Variants in CATSPERE observed in about 807,000 individuals in gnomAD.
The protein encoded by CATSPERE is catsper channel auxiliary subunit epsilon, also known as cation channel sperm-associated auxiliary subunit epsilon.
Under a neutral mutation model 114.1 loss-of-function variants are expected in CATSPERE, and 93 were observed. The observed-to-expected ratio is 0.81, with a 90% confidence interval of 0.69 to 0.97. The LOEUF (loss-of-function observed/expected upper bound fraction) is 0.97, where lower values mean the gene tolerates loss of function less well. CATSPERE is among the 50% of genes least tolerant of loss of function. The pLI is 0.00. For missense variants in CATSPERE, 1,058 were observed against 1,131.6 expected (o/e 0.93, Z 0.93); for synonymous variants, 341 against 384.1 (o/e 0.89, Z 1.31).
At position 244,488,291 on chromosome 1, in the gene CATSPERE, T is replaced by C. The variant is rs1215764703; in HGVS notation, c.327-2156T>C. The stretch of plus-strand genomic sequence containing the variant: ...TTAATTTCTATACCACATTTAATTC[T>C]GAGAATCACTTTCTTTTTGAAACTC... On this transcript the variant is annotated intron_variant, in intron 5 of 21. Transcript: ENST00000366534. 2.6e-5 allele frequency among the ~76,000 whole-genome samples: 4 copies of C among 152,248 alleles called. No individual in the cohort carries two copies. The East Asian group carries it at 7.7e-4, about 29-fold the overall frequency.
At chr1:244,571,539 T>A (rs1237594062) in intron 10 of CATSPERE, among the ~76,000 whole-genome samples, 7 of 152,214 alleles carry the variant, frequency 4.6e-5, no homozygotes, top group Non-Finnish European at 7.4e-5. Context: ...GAAAGCTGAT[T>A]ATCTGCTATG....
chr1:244,632,994 T>C (rs1674164529), intron 20 of CATSPERE, among the ~76,000 whole-genome samples: 2 of 152,172 alleles, frequency 1.3e-5, no homozygotes, highest in Admixed American at 6.5e-5. Flanking sequence ...AGATTGGCCA[T>C]ATTAATAGCA....
chr1:244,451,402 CCA>C (rs1665590994), upstream of CATSPERE, among the ~76,000 whole-genome samples: 4 of 152,310 alleles, frequency 2.6e-5, no homozygotes, highest in South Asian at 8.3e-4. This position sits in a 1 kb window ranked among gnomAD's most constrained non-coding sequence, Gnocchi z 6.6. Context: ...CCCCGCCAGC[CCA>C]CCTCTTCCTC....
At chr1:244,464,026 G>A in intron 2 of CATSPERE, 70 bp downstream of exon 2, 2 of 1,118,062 alleles carry the variant, frequency 1.8e-6, no homozygotes, top group Non-Finnish European at 2.7e-6. Flanking sequence ...AGAGAGCAGA[G>A]TTAATCATAT....
intron 8 of CATSPERE, among the ~76,000 whole-genome samples, chr1:244,521,343 G>T (rs576192509): frequency 6.6e-6 from 1 of 152,266 alleles, no homozygotes; most frequent in Non-Finnish European, 1.5e-5. Context: ...AATAGAGTGA[G>T]ACCTTGTCTC....
intron 6 of CATSPERE, among the ~76,000 whole-genome samples, chr1:244,495,726 T>A (rs891937476): frequency 5.3e-5 from 8 of 151,768 alleles, no homozygotes; most frequent in African/African-American, 1.5e-4. Context: ...TCTTAAAAAA[T>A]AATAATAATA....
chr1:244,617,498 C>T (rs1052924096), intron 19 of CATSPERE, 31 bp from the exon 20 acceptor site: 1 of 1,452,622 alleles, frequency 6.9e-7, no homozygotes, highest in African/African-American at 1.5e-5. Context: ...ATAAAATGAC[C>T]TTAAAATTTT....
At chr1:244,579,067 T>A (rs1486930365) in intron 11 of CATSPERE, among the ~76,000 whole-genome samples, 3 of 151,872 alleles carry the variant, frequency 2.0e-5, no homozygotes, top group Non-Finnish European at 4.4e-5. Context: ...ATAAAAAAAA[T>A]ATGCAAGAAC....
At chr1:244,600,371 A>AAGAG (rs74162774) in intron 17 of CATSPERE, among the ~76,000 whole-genome samples, 8 of 144,994 alleles carry the variant, frequency 5.5e-5, no homozygotes, top group East Asian at 2.0e-4. Context: ...AAAAAAAAAA[A>AAGAG]AGAGAGAGAG....
At chr1:244,517,039 G>A (rs992289723) in intron 7 of CATSPERE, among the ~76,000 whole-genome samples, 2 of 152,020 alleles carry the variant, frequency 1.3e-5, no homozygotes, top group Non-Finnish European at 2.9e-5. Context: ...AAATTATGCA[G>A]ACATTGAAAA....
chr1:244,538,762 C>G lies in CATSPERE; in HGVS notation c.537-13560C>G, dbSNP rs930196704. On this transcript the variant is annotated intron_variant, in intron 8 of 21. Coordinates refer to ENST00000366534, the MANE Select transcript of CATSPERE (RefSeq NM_001130957.2). ...TCAACTTTCCCAGCATTCTGGGACCCTTCACAGGAGGCTTAGTCGTGTCTC... is the reference window on the plus strand; with the variant it reads ...TCAACTTTCCCAGCATTCTGGGACCGTTCACAGGAGGCTTAGTCGTGTCTC... Among the ~76,000 whole-genome samples, 27 of 152,304 alleles carry G rather than the reference C, an allele frequency of 1.8e-4. 1 individual carries two copies. Among genetic ancestry groups the G allele is most frequent in the African/African-American group, 6.5e-4 (27 of 41,566 alleles).
At chr1:244,472,538 C>T (rs1332192043) in intron 2 of CATSPERE, among the ~76,000 whole-genome samples, 2 of 152,056 alleles carry the variant, frequency 1.3e-5, no homozygotes, top group Admixed American at 1.3e-4. Context: ...ATAGAGAGAT[C>T]CCATAAAACC....
At chr1:244,556,599 G>C (rs60946777) in intron 9 of CATSPERE, among the ~76,000 whole-genome samples, 20,123 of 152,106 alleles carry the variant, frequency 0.13, 2,394 homozygotes, top group African/African-American at 0.32. Context: ...AAATTTGGGA[G>C]GGGAAACAGA....
intron 5 of CATSPERE, among the ~76,000 whole-genome samples, chr1:244,489,820 A>G (rs919471239): frequency 1.3e-5 from 2 of 152,134 alleles, no homozygotes; most frequent in Non-Finnish European, 2.9e-5. Flanking sequence ...ATTCTCAAGC[A>G]AACACGTAGT....
At chr1:244,584,540 A>ATATCATATTATATTATAT (rs548449574) in intron 13 of CATSPERE, among the ~76,000 whole-genome samples, 1 of 118,858 alleles carries the variant, frequency 8.4e-6, no homozygotes, top group African/African-American at 3.1e-5. Context: ...TTACTATATT[A>ATATCATATTATATTATAT]TATATTATAT....
intron 5 of CATSPERE, among the ~76,000 whole-genome samples, chr1:244,481,483 T>A (rs900257199): frequency 6.6e-6 from 1 of 151,964 alleles, no homozygotes; most frequent in African/African-American, 2.4e-5. Flanking sequence ...AAAAATAAAA[T>A]ATTCCTGGTA....
At chr1:244,572,273 TA>T in intron 10 of CATSPERE, 56 bp from the exon 11 acceptor site, 1 of 868,582 alleles carries the variant, frequency 1.2e-6, no homozygotes. Context: ...TACACTTAAC[TA>T]AAACAGCACG....
chr1:244,627,848 TAAAC>T (rs1427403260), intron 20 of CATSPERE, among the ~76,000 whole-genome samples: 1 of 152,198 alleles, frequency 6.6e-6, no homozygotes, highest in Non-Finnish European at 1.5e-5. Context: ...ATTCCAGAAG[TAAAC>T]AATTCATAGA....
intron 20 of CATSPERE, among the ~76,000 whole-genome samples, chr1:244,622,668 C>T (rs1672553298): frequency 1.3e-5 from 2 of 152,142 alleles, no homozygotes; most frequent in Admixed American, 6.5e-5. Context: ...TCTATCTGTA[C>T]ATTCCTGGGG....
Sources: allele counts gnomAD v4.1 joint callset (sites outside exome capture counted in the v4.1 genomes callset), GRCh38; gene constraint gnomAD v4.1.1; non-coding constraint Gnocchi (gnomAD v3.1); transcripts MANE v1.5; gene names NCBI Gene and HGNC (gene_info 2026-07-23, HGNC 2026-07-21).